The following CPNE4 variants were observed in gnomAD, a reference collection of about 807,000 sequenced individuals.
The protein encoded by CPNE4 is copine 4, also known as copine-4.
A neutral mutation model predicts 67.9 loss-of-function variants in CPNE4; 25 were observed. The observed-to-expected ratio is 0.37, with a 90% CI of 0.27 to 0.51. The LOEUF (loss-of-function observed/expected upper bound fraction) is 0.51. Among genes scored for constraint, CPNE4 ranks in the 20% least tolerant of loss-of-function variants. CPNE4 has a pLI of 0.93. For missense variants in CPNE4, 464 were observed against 690.8 expected, an observed-to-expected ratio of 0.67 and a Z score of 3.68; for synonymous variants, 242 against 244.9, an observed-to-expected ratio of 0.99 and a Z score of 0.11.
intron 2 of CPNE4, among the ~76,000 whole-genome samples, chr3:131,812,545 C>T (rs964799999): frequency 1.3e-5 from 2 of 152,202 alleles, no homozygotes; most frequent in African/African-American, 4.8e-5. Context: ...CTTTTCAGAG[C>T]TCTGCCTTGA....
At chr3:131,638,944 TA>T in intron 7 of CPNE4, among the ~76,000 whole-genome samples, 1 of 151,946 alleles carries the variant, frequency 6.6e-6, no homozygotes, top group East Asian at 1.9e-4. Flanking sequence ...ATATGGAAAT[TA>T]AAAAATTCCT....
intron 7 of CPNE4, among the ~76,000 whole-genome samples, chr3:131,608,353 A>G (rs1028743836): frequency 6.6e-6 from 1 of 152,150 alleles, no homozygotes. Context: ...GTGGATAGCA[A>G]TCTGACTGAG....
chr3:131,622,736 A>T (rs1210641738), intron 7 of CPNE4, among the ~76,000 whole-genome samples: 1 of 152,202 alleles, frequency 6.6e-6, no homozygotes, highest in Non-Finnish European at 1.5e-5. Context: ...AATAATTGAC[A>T]GGAGAGGGTG....
intron 2 of CPNE4, among the ~76,000 whole-genome samples, chr3:131,842,015 T>G (rs9289399): frequency 0.2 from 31,040 of 152,096 alleles, 3,895 homozygotes; most frequent in Non-Finnish European, 0.27. Flanking sequence ...TCTTTAGGAA[T>G]AGATGGAATA....
intron 9 of CPNE4, among the ~76,000 whole-genome samples, chr3:131,575,537 T>C (rs1937529556): frequency 2.0e-5 from 3 of 152,164 alleles, no homozygotes; most frequent in South Asian, 2.1e-4. Flanking sequence ...GTAATTTAGA[T>C]AGGCAGTTTT....
intron 9 of CPNE4, among the ~76,000 whole-genome samples, chr3:131,578,642 T>TA (rs1374056064): frequency 6.6e-6 from 1 of 152,116 alleles, no homozygotes; most frequent in African/African-American, 2.4e-5. Flanking sequence ...TTCTTGAAAT[T>TA]AAAACAGTGA....
At chr3:132,006,779 G>A (rs934383498) in intron 1 of CPNE4, among the ~76,000 whole-genome samples, 2 of 152,070 alleles carry the variant, frequency 1.3e-5, no homozygotes, top group African/African-American at 4.8e-5. Context: ...AATGGGGCAT[G>A]ACGTGCCCAG....
At chr3:131,919,320 A>T (rs1190187045) in intron 1 of CPNE4, among the ~76,000 whole-genome samples, 1 of 152,212 alleles carries the variant, frequency 6.6e-6, no homozygotes, top group African/African-American at 2.4e-5. Flanking sequence ...TAAGAAAAGG[A>T]TGGGGAATAA....
intron 2 of CPNE4, among the ~76,000 whole-genome samples, chr3:131,805,724 C>T (rs2084284401): frequency 6.6e-6 from 1 of 152,112 alleles, no homozygotes; most frequent in Admixed American, 6.5e-5. Context: ...GACTGGGTAC[C>T]AAAAGCAAGT....
intron 2 of CPNE4, among the ~76,000 whole-genome samples, chr3:131,747,331 T>C (rs895549182): frequency 6.6e-6 from 1 of 152,034 alleles, no homozygotes; most frequent in African/African-American, 2.4e-5. Flanking sequence ...GCTTTTGAGG[T>C]TTTATTCAAA....
chr3:131,939,627 A>G (rs2071331524), intron 1 of CPNE4, among the ~76,000 whole-genome samples: 1 of 152,140 alleles, frequency 6.6e-6, no homozygotes, highest in Non-Finnish European at 1.5e-5. Flanking sequence ...AACACTCTCA[A>G]AACTTTCTCA....
intron 7 of CPNE4, among the ~76,000 whole-genome samples, chr3:131,658,434 T>G (rs1327148595): frequency 6.6e-6 from 1 of 152,238 alleles, no homozygotes; most frequent in African/African-American, 2.4e-5. Context: ...TTACTGGAAG[T>G]GTCCAAAAGT....
chr3:131,725,918 A>G (rs1282242600), intron 2 of CPNE4, among the ~76,000 whole-genome samples: 1 of 152,146 alleles, frequency 6.6e-6, no homozygotes, highest in African/African-American at 2.4e-5. Flanking sequence ...CCTTCATTTA[A>G]TTTCTCTTCC....
At chr3:131,758,285 G>A (rs767487810) in intron 2 of CPNE4, among the ~76,000 whole-genome samples, 10 of 152,280 alleles carry the variant, frequency 6.6e-5, no homozygotes, top group Admixed American at 2.0e-4. Flanking sequence ...CCAAGACCAT[G>A]GGAACCCACC....
chr3:131,944,249 A>G (rs533827332), intron 1 of CPNE4, among the ~76,000 whole-genome samples: 5 of 151,812 alleles, frequency 3.3e-5, no homozygotes, highest in South Asian at 2.1e-4. Context: ...AAAAGAATAC[A>G]TGCAGGGAAA....
intron 7 of CPNE4, among the ~76,000 whole-genome samples, chr3:131,657,604 G>C (rs943133662): frequency 6.9e-6 from 1 of 144,810 alleles, no homozygotes; most frequent in East Asian, 2.0e-4. Context: ...GTGTGATCTC[G>C]ACTCACTGCA....
At chr3:131,590,799 A>G (rs72999250) in intron 7 of CPNE4, among the ~76,000 whole-genome samples, 3,844 of 152,294 alleles carry the variant, frequency 0.025, 84 homozygotes, top group African/African-American at 0.065. Context: ...CTAATTCAGA[A>G]ATGCTAAGAT....
At chr3:131,745,394 C>CT (rs1179244416) in intron 2 of CPNE4, among the ~76,000 whole-genome samples, 1 of 151,950 alleles carries the variant, frequency 6.6e-6, no homozygotes, top group Non-Finnish European at 1.5e-5. Flanking sequence ...GTAAAAGGGT[C>CT]TTTTGCAGAC....
intron 1 of CPNE4, among the ~76,000 whole-genome samples, chr3:131,976,921 C>G (rs973485588): frequency 6.6e-6 from 1 of 151,986 alleles, no homozygotes; most frequent in African/African-American, 2.4e-5. Context: ...CCTGCCTCAG[C>G]CTCCTGAGTA....
Sources: allele counts gnomAD v4.1 joint callset (sites outside exome capture counted in the v4.1 genomes callset), GRCh38; gene constraint gnomAD v4.1.1; transcripts MANE v1.5; gene names NCBI Gene and HGNC (gene_info 2026-07-23, HGNC 2026-07-21).